The following GUCY1A2 variants were observed in gnomAD, a reference collection of about 807,000 sequenced individuals.
GUCY1A2 encodes the protein guanylate cyclase soluble subunit alpha-2.
A neutral mutation model predicts 63.5 loss-of-function variants in GUCY1A2; 27 were observed. That is an observed-to-expected ratio of 0.43 (90% CI 0.31 to 0.59). GUCY1A2 has a LOEUF of 0.59. Among genes scored for constraint, GUCY1A2 ranks in the 20% least tolerant of loss-of-function variants. The pLI, the probability that GUCY1A2 is intolerant of heterozygous loss-of-function variation, is 0.11. For missense variants in GUCY1A2, 768 were observed against 913.3 expected (o/e 0.84, Z 2.05); for synonymous variants, 364 against 343.5 (o/e 1.06, Z -0.66).
At chr11:106,964,222 T>A (rs982342492) in intron 3 of GUCY1A2, among the ~76,000 whole-genome samples, 1 of 152,232 alleles carries the variant, frequency 6.6e-6, no homozygotes, top group African/African-American at 2.4e-5. Context: ...TACCTTATAG[T>A]TGTATTATTT....
At chr11:107,014,995 A>T (rs1275585059) in intron 1 of GUCY1A2, among the ~76,000 whole-genome samples, 1 of 152,256 alleles carries the variant, frequency 6.6e-6, no homozygotes, top group Non-Finnish European at 1.5e-5. Flanking sequence ...AATCCTGACA[A>T]TGTCAAAAAA....
Position 107,018,052 on chromosome 11 carries a change from A to T in GUCY1A2, c.4T>A (p.Ser2Thr). 6.9e-7 allele frequency: 1 copy of T among 1,457,006 alleles called. No homozygotes were observed. The highest frequency in any genetic ancestry group is 9.2e-7 in the Non-Finnish European group (1 of 1,092,178). 90.3% of individuals were successfully genotyped at this position (1,457,006 alleles called of 1,614,324 possible). M[S>T]RRKISSESFS... ...GACTCGGACGAAATCTTCCTTCGAGACATGCTGCCGGCGGAGCTGCAGCGG... is the reference window on the plus strand; with the variant it reads ...GACTCGGACGAAATCTTCCTTCGAGTCATGCTGCCGGCGGAGCTGCAGCGG... The change falls in exon 1 of 8, where the codon TCT becomes ACT. Residue 2 changes from serine (S) to threonine (T), a missense_variant. Coordinates refer to ENST00000526355, the MANE Select transcript of GUCY1A2 (RefSeq NM_000855.3).
chr11:106,795,594 C>T (rs1349365678), intron 5 of GUCY1A2, among the ~76,000 whole-genome samples: 2 of 151,694 alleles, frequency 1.3e-5, no homozygotes, highest in African/African-American at 4.9e-5. Context: ...TCAGCAGTCT[C>T]ACAGCGATTT....
At position 106,958,644 on chromosome 11, in the gene GUCY1A2, A is replaced by G. The variant is rs1861021361; in HGVS notation, c.488-18466T>C. ...AAAAAGGGTACACTAGGAAACACAC[A>G]CACAGTATGTATGATTTGGAAGGAT... On this transcript the variant is annotated intron_variant, in intron 3 of 7. Coordinates refer to ENST00000526355, the MANE Select transcript of GUCY1A2 (RefSeq NM_000855.3). Among the ~76,000 whole-genome samples, 2 of 151,926 alleles carry G rather than the reference A, an allele frequency of 1.3e-5. 1 individual carries two copies. Among genetic ancestry groups the G allele is most frequent in the South Asian group, 4.2e-4 (2 of 4,808 alleles).
chr11:106,716,841 C>G (rs1049705405), intron 6 of GUCY1A2, among the ~76,000 whole-genome samples: 13 of 150,174 alleles, frequency 8.7e-5, no homozygotes, highest in Admixed American at 8.6e-4. Context: ...AAGGAGAGAT[C>G]CTCTTTTCCC....
chr11:106,944,237 G>A (rs967685153), intron 3 of GUCY1A2, among the ~76,000 whole-genome samples: 85 of 39,412 alleles, frequency 2.2e-3, no homozygotes, highest in African/African-American at 4.4e-3. Flanking sequence ...AAAAAAAAAA[G>A]CAGGTGGTCC....
intron 4 of GUCY1A2, among the ~76,000 whole-genome samples, chr11:106,886,729 G>T (rs1453177295): frequency 1.3e-5 from 2 of 151,948 alleles, no homozygotes; most frequent in Non-Finnish European, 2.9e-5. Context: ...TTTCAACGTG[G>T]AATACTCCAA....
chr11:106,725,004 GAAT>G (rs1191622858), intron 6 of GUCY1A2, among the ~76,000 whole-genome samples: 4 of 152,016 alleles, frequency 2.6e-5, no homozygotes, highest in African/African-American at 9.7e-5. Context: ...TACTTTTTAA[GAAT>G]ATTAATTTTC....
rs922877015 is a variant in GUCY1A2 at position 107,018,170 on chromosome 11, C to G, written c.-115G>C. ...CGTTAAGCGCGTCGGGGCCGCGGGGCGCTGCGGTCGCGCCCGGCGGGGCGG... is the reference window on the plus strand; with the variant it reads ...CGTTAAGCGCGTCGGGGCCGCGGGGGGCTGCGGTCGCGCCCGGCGGGGCGG... On this transcript the variant is annotated 5_prime_UTR_variant, in exon 1 of 8. Coordinates refer to ENST00000526355, the MANE Select transcript of GUCY1A2 (RefSeq NM_000855.3). 2.1e-6 allele frequency: 1 copy of G among 466,372 alleles called. No homozygotes were observed. The highest frequency in any genetic ancestry group is 3.2e-6 in the Non-Finnish European group (1 of 314,138). The allele number at this position is 466,372 out of a possible 1,614,324, so 28.9% of individuals were successfully genotyped here. A position where few individuals can be genotyped will look rare whatever the true frequency, so the allele number is the denominator to read the frequency against.
intron 4 of GUCY1A2, among the ~76,000 whole-genome samples, chr11:106,841,595 G>A (rs926280916): frequency 1.3e-5 from 2 of 151,842 alleles, no homozygotes; most frequent in Non-Finnish European, 2.9e-5. Context: ...TTCTCTGAGG[G>A]AGGGACCATG....
chr11:106,896,900 G>A (rs573144641), intron 4 of GUCY1A2, among the ~76,000 whole-genome samples: 3 of 152,254 alleles, frequency 2.0e-5, no homozygotes, highest in East Asian at 1.9e-4. Context: ...TGGAAAGGAT[G>A]AAATAAAACT....
At chr11:106,882,241 A>G (rs561995120) in intron 4 of GUCY1A2, among the ~76,000 whole-genome samples, 1 of 152,058 alleles carries the variant, frequency 6.6e-6, no homozygotes, top group Non-Finnish European at 1.5e-5. Flanking sequence ...CAAAGCATTT[A>G]CTAAAGGTTA....
chr11:106,951,849 C>G (rs975616612), intron 3 of GUCY1A2, among the ~76,000 whole-genome samples: 1 of 152,108 alleles, frequency 6.6e-6, no homozygotes, highest in African/African-American at 2.4e-5. Flanking sequence ...AGGTTTTCTT[C>G]CAGAGTTTTT....
chr11:106,746,480 GAAGT>G (rs1863789516), intron 6 of GUCY1A2: 1 of 752,866 alleles, frequency 1.3e-6, no homozygotes, highest in Admixed American at 2.3e-5. Flanking sequence ...TATACTCAAG[GAAGT>G]AAGTAATAAC....
chr11:106,864,541 T>C (rs752310057), intron 4 of GUCY1A2, among the ~76,000 whole-genome samples: 1 of 152,148 alleles, frequency 6.6e-6, no homozygotes, highest in Admixed American at 6.6e-5. Flanking sequence ...TTCTGCATGA[T>C]ATGGGCGATG....
intron 1 of GUCY1A2, among the ~76,000 whole-genome samples, chr11:107,003,957 A>G (rs12272497): frequency 0.028 from 4,326 of 152,276 alleles, 198 homozygotes; most frequent in African/African-American, 0.095. Context: ...CTGACCCTAC[A>G]TAGAGCTCTG....
At chr11:106,924,402 T>G (rs1860491441) in intron 4 of GUCY1A2, among the ~76,000 whole-genome samples, 1 of 152,178 alleles carries the variant, frequency 6.6e-6, no homozygotes, top group Non-Finnish European at 1.5e-5. Flanking sequence ...ATACAGAGCC[T>G]ATCATAATAC....
chr11:106,935,849 CAAAAAAAAAAATTA>C (rs535795576), intron 4 of GUCY1A2, among the ~76,000 whole-genome samples: 7 of 107,476 alleles, frequency 6.5e-5, no homozygotes, highest in African/African-American at 2.7e-4. Context: ...ACTCCATCTC[CAAAAAAAAAAATTA>C]AAAAAAAAAT....
chr11:106,858,347 T>C (rs994752649), intron 4 of GUCY1A2, among the ~76,000 whole-genome samples: 6 of 152,156 alleles, frequency 3.9e-5, no homozygotes, highest in Non-Finnish European at 4.4e-5. Context: ...ATTTGTAAAG[T>C]TGAAAAGCTT....
Sources: allele counts gnomAD v4.1 joint callset (sites outside exome capture counted in the v4.1 genomes callset), GRCh38; gene constraint gnomAD v4.1.1; transcripts MANE v1.5; gene names NCBI Gene and HGNC (gene_info 2026-07-23, HGNC 2026-07-21).